CRPPA: variants seen among roughly 807,000 people sequenced by gnomAD.
CRPPA encodes the protein CDP-L-ribitol pyrophosphorylase A, also known as D-ribitol-5-phosphate cytidylyltransferase.
A neutral mutation model predicts 52.0 loss-of-function variants in CRPPA; 43 were observed. That is an observed-to-expected ratio of 0.83 (90% confidence interval 0.65 to 1.07). The LOEUF (loss-of-function observed/expected upper bound fraction) is 1.07, where lower values mean the gene tolerates loss of function less well. Ranked by LOEUF, CRPPA falls within the 50% of genes least tolerant of loss-of-function variation. The pLI, the probability that CRPPA is intolerant of heterozygous loss-of-function variation, is 0.00. For missense variants in CRPPA, 629 were observed against 551.7 expected (o/e 1.14, Z -1.40); for synonymous variants, 250 against 203.5 (o/e 1.23, Z -1.94).
intron 8 of CRPPA, among the ~76,000 whole-genome samples, chr7:16,228,080 G>A (rs563804135): frequency 5.9e-5 from 9 of 151,844 alleles, no homozygotes; most frequent in Admixed American, 4.6e-4. Flanking sequence ...ATTCTATAAC[G>A]TTCCATTTGT....
At chr7:16,287,613 T>C (rs1031973708) in intron 5 of CRPPA, among the ~76,000 whole-genome samples, 4 of 152,148 alleles carry the variant, frequency 2.6e-5, no homozygotes, top group Admixed American at 1.3e-4. Flanking sequence ...TAGGCCCTTA[T>C]AGGAAAAAGA....
chr7:16,284,663 C>T (rs1319568485), intron 5 of CRPPA, among the ~76,000 whole-genome samples: 1 of 152,040 alleles, frequency 6.6e-6, no homozygotes, highest in Non-Finnish European at 1.5e-5. Context: ...GAGTAATACA[C>T]CCATGTTGGC....
intron 3 of CRPPA, among the ~76,000 whole-genome samples, chr7:16,322,108 GA>G (rs888667999): frequency 2.9e-4 from 44 of 152,106 alleles, no homozygotes; most frequent in African/African-American, 1.0e-3. Flanking sequence ...ACTCAATTTT[GA>G]AATCTTTTTA....
intron 3 of CRPPA, among the ~76,000 whole-genome samples, chr7:16,363,437 T>A (rs1786509114): frequency 6.6e-6 from 1 of 152,154 alleles, no homozygotes; most frequent in African/African-American, 2.4e-5. Context: ...AAAGATAGCA[T>A]TATAGACTTA....
rs1331020048 is a variant in CRPPA at position 16,398,667 on chromosome 7, G to A, written c.534+7394C>T. On this transcript the variant is annotated intron_variant, in intron 2 of 9. Coordinates refer to ENST00000407010, the MANE Select transcript of CRPPA (RefSeq NM_001101426.4). ...ACATCACTGAAACATGGACAGCTTTGTGACACGTGACATGTGACTGACACG... is the reference window on the plus strand; with the variant it reads ...ACATCACTGAAACATGGACAGCTTTATGACACGTGACATGTGACTGACACG... Among the ~76,000 whole-genome samples, 3 of 152,094 alleles carry A rather than the reference G, an allele frequency of 2.0e-5. No homozygotes were observed. The East Asian group carries it at 5.8e-4, about 30-fold the overall frequency.
intron 9 of CRPPA, among the ~76,000 whole-genome samples, chr7:16,207,803 G>A (rs1562557052): frequency 6.6e-6 from 1 of 152,172 alleles, no homozygotes; most frequent in South Asian, 2.1e-4. Flanking sequence ...ATTGATATAA[G>A]TAATAGAGCA....
At position 16,089,857 on chromosome 7, in the gene CRPPA, A is replaced by G. The variant is rs1336821703; in HGVS notation, c.*1838T>C. ...AGCCAGCACTCCAGCGATCAGGGTGATTTTGCTGTGCCACAAATATGCCCA... is the reference window on the plus strand; with the variant it reads ...AGCCAGCACTCCAGCGATCAGGGTGGTTTTGCTGTGCCACAAATATGCCCA... On this transcript the variant is annotated 3_prime_UTR_variant, in exon 10 of 10. Coordinates refer to ENST00000407010, the MANE Select transcript of CRPPA (RefSeq NM_001101426.4). 6.1e-6 allele frequency: 1 copy of G among 163,500 alleles called. No homozygotes were observed. The highest frequency in any genetic ancestry group is 2.4e-5 in the African/African-American group (1 of 41,548). 10.1% of individuals were successfully genotyped at this position (163,500 alleles called of 1,614,324 possible). A position where few individuals can be genotyped will look rare whatever the true frequency, so the allele number is the denominator to read the frequency against.
intron 3 of CRPPA, among the ~76,000 whole-genome samples, chr7:16,365,053 G>A (rs1355738123): frequency 2.0e-5 from 3 of 152,138 alleles, no homozygotes; most frequent in South Asian, 2.1e-4. Flanking sequence ...TGTCTCCTAG[G>A]CTCCCTCCAC....
chr7:16,165,182 A>G (rs1781026849), intron 9 of CRPPA, among the ~76,000 whole-genome samples: 1 of 151,764 alleles, frequency 6.6e-6, no homozygotes, highest in Non-Finnish European at 1.5e-5. Context: ...CCTAAATTTA[A>G]TATTTATAAT....
chr7:16,236,143 T>C (rs1243322075), intron 8 of CRPPA, among the ~76,000 whole-genome samples: 1 of 152,110 alleles, frequency 6.6e-6, no homozygotes, highest in Non-Finnish European at 1.5e-5. Context: ...TTTTTGATAG[T>C]TGAGGAAACA....
chr7:16,420,814 G>A (rs544229904), intron 1 of CRPPA, among the ~76,000 whole-genome samples: 3 of 152,100 alleles, frequency 2.0e-5, no homozygotes, highest in African/African-American at 7.2e-5. Context: ...GCCACACGAC[G>A]GGCCTTCCCC....
At chr7:16,285,962 G>A (rs1784418664) in intron 5 of CRPPA, among the ~76,000 whole-genome samples, 1 of 126,386 alleles carries the variant, frequency 7.9e-6, no homozygotes, top group African/African-American at 3.1e-5. Flanking sequence ...AGAGATTGCA[G>A]TGAGCCAAGA....
intron 3 of CRPPA, among the ~76,000 whole-genome samples, chr7:16,315,689 C>A (rs1785130118): frequency 6.6e-6 from 1 of 152,046 alleles, no homozygotes; most frequent in East Asian, 1.9e-4. Flanking sequence ...ATTTTAAGAA[C>A]CTGGTCAAGC....
intron 3 of CRPPA, among the ~76,000 whole-genome samples, chr7:16,343,710 G>T (rs905504089): frequency 1.3e-5 from 2 of 152,116 alleles, no homozygotes; most frequent in Non-Finnish European, 1.5e-5. Flanking sequence ...GTTCATGGGA[G>T]ACTTTGAAAA....
At chr7:16,268,460 A>G (rs574778218) in intron 6 of CRPPA, among the ~76,000 whole-genome samples, 9 of 152,212 alleles carry the variant, frequency 5.9e-5, no homozygotes, top group South Asian at 4.2e-4. Context: ...TCATTAATGT[A>G]TACTCCTCTT....
intron 5 of CRPPA, among the ~76,000 whole-genome samples, chr7:16,280,714 A>C (rs1052100552): frequency 1.3e-5 from 2 of 152,218 alleles, no homozygotes; most frequent in Non-Finnish European, 2.9e-5. Context: ...ATATTTTTAA[A>C]AAATGAATTC....
Position 16,397,424 on chromosome 7 carries a change from A to G in CRPPA, c.534+8637T>C, listed in dbSNP as rs571523986. On this transcript the variant is annotated intron_variant, in intron 2 of 9. Transcript: ENST00000407010. ...CTGACACGTAATGGACACGTGACTGACACGTGTAACGTGTGATGTAACAGA... is the reference window on the plus strand; with the variant it reads ...CTGACACGTAATGGACACGTGACTGGCACGTGTAACGTGTGATGTAACAGA... Among the ~76,000 whole-genome samples the G allele has an allele frequency of 2.6e-3, 395 of 152,356 alleles. 2 individuals are homozygous for G. The highest frequency in any genetic ancestry group is 3.5e-3 in the South Asian group (17 of 4,830).
chr7:16,418,739 A>C (rs1399085557), intron 1 of CRPPA, among the ~76,000 whole-genome samples: 1 of 152,174 alleles, frequency 6.6e-6, no homozygotes, highest in Non-Finnish European at 1.5e-5. Flanking sequence ...TGATTCAATT[A>C]CTTCCACCTG....
chr7:16,272,153 G>A (rs527261021), intron 6 of CRPPA, among the ~76,000 whole-genome samples: 4 of 152,282 alleles, frequency 2.6e-5, no homozygotes, highest in South Asian at 4.1e-4. Context: ...TGAGAAAAAC[G>A]GAGGAGGAAA....
Sources: gnomAD v4.1 joint callset for allele counts (sites outside exome capture counted in the v4.1 genomes callset) on GRCh38, gnomAD v4.1.1 for gene constraint, MANE v1.5 for transcripts, NCBI Gene and HGNC (gene_info 2026-07-23, HGNC 2026-07-21) for gene names.